Variants in GAS6 observed in about 807,000 individuals in gnomAD.
GAS6 encodes growth arrest-specific protein 6.
Under a neutral mutation model 75.8 loss-of-function variants are expected in GAS6, and 41 were observed. The observed-to-expected ratio is 0.54, with a 90% CI of 0.42 to 0.70. The LOEUF (loss-of-function observed/expected upper bound fraction) is 0.70. GAS6 is among the 30% of genes least tolerant of loss of function. GAS6 has a pLI of 0.00. For missense variants in GAS6, 854 were observed against 940.2 expected (o/e 0.91, Z 1.20); for synonymous variants, 432 against 412.6 (o/e 1.05, Z -0.57).
intron 10 of GAS6, among the ~76,000 whole-genome samples, chr13:113,828,992 G>A (rs71437243): frequency 2.0e-5 from 2 of 101,358 alleles, no homozygotes; most frequent in African/African-American, 7.1e-5. Context: ...TGAGCCAAGA[G>A]GGTCCCGATC....
intron 4 of GAS6, chr13:113,842,763 G>A (rs930512017): frequency 1.5e-5 from 6 of 396,862 alleles, no homozygotes; most frequent in African/African-American, 4.2e-5. Flanking sequence ...GTGCGCTGCC[G>A]CTACGATGTT....
chr13:113,851,513 GTGGGTGGGTGAATGGATGAGTGAA>G (rs1397308873), intron 2 of GAS6, among the ~76,000 whole-genome samples: 2 of 151,762 alleles, frequency 1.3e-5, no homozygotes, highest in East Asian at 1.9e-4. Flanking sequence ...GGGTGGGTGA[GTGGGTGGGTGAATGGATGAGTGAA>G]TGGGTGGGTG....
In GAS6 at chr13:113,837,064, G is replaced by A. The variant is rs1036194345; in HGVS notation, c.589+1005C>T. Among the ~76,000 whole-genome samples the A allele has an allele frequency of 1.3e-5, 2 of 151,826 alleles. No individual in the cohort carries two copies. The highest frequency in any genetic ancestry group is 6.6e-5 in the Admixed American group (1 of 15,250). On this transcript the variant is annotated intron_variant, in intron 6 of 14. Coordinates refer to ENST00000327773, the MANE Select transcript of GAS6 (RefSeq NM_000820.4). This position sits in a 1 kb window ranked among gnomAD's most constrained non-coding sequence, Gnocchi z 5.1. ...CTTTAGACGTCATCTCTCAGGATCGGCCTAGTCTTCACCTCTCTTTAAACC... is the reference window on the plus strand; with the variant it reads ...CTTTAGACGTCATCTCTCAGGATCGACCTAGTCTTCACCTCTCTTTAAACC...
intron 3 of GAS6, among the ~76,000 whole-genome samples, chr13:113,847,323 G>A (rs2051842247): frequency 6.6e-6 from 1 of 152,216 alleles, no homozygotes; most frequent in Non-Finnish European, 1.5e-5. Context: ...ATGGACCCAG[G>A]GAAGGACCCT....
intron 11 of GAS6, among the ~76,000 whole-genome samples, chr13:113,827,850 G>A (rs568570291): frequency 6.6e-6 from 1 of 152,202 alleles, no homozygotes; most frequent in Non-Finnish European, 1.5e-5. Context: ...GAAGGGGAGA[G>A]AAGGCGGGAC....
chr13:113,862,148 G>A (rs1394375335), intron 2 of GAS6, among the ~76,000 whole-genome samples: 1 of 152,226 alleles, frequency 6.6e-6, no homozygotes, highest in Non-Finnish European at 1.5e-5. Context: ...GGGAAGAACA[G>A]CACAGTACAT....
intron 2 of GAS6, among the ~76,000 whole-genome samples, chr13:113,853,993 C>G (rs529179832): frequency 6.6e-6 from 1 of 152,344 alleles, no homozygotes; most frequent in African/African-American, 2.4e-5. Flanking sequence ...CAGTGCATGG[C>G]CCCCAGCCCA....
Position 113,821,943 on chromosome 13 carries a change from G to A in GAS6, c.1882+15C>T, listed in dbSNP as rs747132469. On this transcript the variant is annotated intron_variant, in intron 14 of 14. Coordinates refer to ENST00000327773, the MANE Select transcript of GAS6 (RefSeq NM_000820.4). ...GAGCTCTTCACCCGGGTTGAGCGGA[G>A]CAGGGAGCACCTACCTGGCAGGCCG... 42 of 1,515,766 alleles carry A rather than the reference G, an allele frequency of 2.8e-5. 3 individuals are homozygous for A. In the South Asian group the frequency reaches 4.3e-4, roughly 16 times the overall value. The allele number at this position is 1,515,766 out of a possible 1,614,324, so 93.9% of individuals were successfully genotyped here. A position where few individuals can be genotyped will look rare whatever the true frequency, so the allele number is the denominator to read the frequency against.
At chr13:113,832,248 G>T in intron 10 of GAS6, 51 bp downstream of exon 10, 1 of 1,560,574 alleles carries the variant, frequency 6.4e-7, no homozygotes, top group Admixed American at 1.8e-5. Flanking sequence ...GCTGAGTCTG[G>T]CTCAGGGAGA....
intron 4 of GAS6, chr13:113,842,121 G>A (rs1205210204): frequency 2.3e-5 from 3 of 132,346 alleles, no homozygotes; most frequent in African/African-American, 6.9e-5. Context: ...TCCTCCATAC[G>A]CCTCAATTTC....
At chr13:113,859,439 AGT>A (rs1348371358) in intron 2 of GAS6, among the ~76,000 whole-genome samples, 4 of 129,280 alleles carry the variant, frequency 3.1e-5, no homozygotes, top group Admixed American at 7.7e-5. Context: ...ATGTCTGGAC[AGT>A]GTGTGACTGT....
intron 6 of GAS6, among the ~76,000 whole-genome samples, chr13:113,836,911 TGGTGG>T (rs2051723019): frequency 7.6e-5 from 1 of 13,204 alleles, no homozygotes. Flanking sequence ...GGAGGGGGAA[TGGTGG>T]GGAGGAAGAG....
rs2051729611 is a variant in GAS6, at chr13:113,837,486, G to T, written c.589+583C>A. Among the ~76,000 whole-genome samples the T allele has an allele frequency of 6.6e-6, 1 of 152,158 alleles. No homozygotes were observed. Among genetic ancestry groups the T allele is most frequent in the Non-Finnish European group, 1.5e-5 (1 of 68,012 alleles). The stretch of plus-strand genomic sequence containing the variant: ...AGGAGGAAGGTGCTCCCCCTGCAAA[G>T]TGGCAAAGGGCCAGTGGCAGCAGCA... On this transcript the variant is annotated intron_variant, in intron 6 of 14. Coordinates refer to ENST00000327773, the MANE Select transcript of GAS6 (RefSeq NM_000820.4). This position sits in a 1 kb window ranked among gnomAD's most constrained non-coding sequence, Gnocchi z 5.1.
rs1200846619 is a variant in GAS6, at chr13:113,834,584, G to A, written c.801C>T (p.Gly267=). 1.9e-6 allele frequency: 3 copies of A among 1,604,556 alleles called. No homozygotes were observed. Among genetic ancestry groups the A allele is most frequent in the East Asian group, 2.3e-5 (1 of 44,352 alleles). Residue 267 remains glycine, a synonymous_variant, in exon 8 of 15, where the codon GGC becomes GGT. Coordinates refer to ENST00000327773, the MANE Select transcript of GAS6 (RefSeq NM_000820.4). ...SYTCHCDGRG[G]LKLSQDMDTC... Reference sequence around the variant, plus strand: ...TGTCCATGTCCTGGGACAGCTTGAGGCCCCCACGCCCGTCACAGTGGCAGG... The same window carrying A: ...TGTCCATGTCCTGGGACAGCTTGAGACCCCCACGCCCGTCACAGTGGCAGG...
chr13:113,852,983 G>C (rs1435711133), intron 2 of GAS6, among the ~76,000 whole-genome samples: 1 of 152,176 alleles, frequency 6.6e-6, no homozygotes, highest in Non-Finnish European at 1.5e-5. Context: ...ACCCTCCAAG[G>C]GGCCGGGGGG....
chr13:113,824,885 C>T (rs1421872120), intron 12 of GAS6, among the ~76,000 whole-genome samples: 2 of 152,318 alleles, frequency 1.3e-5, no homozygotes, highest in South Asian at 2.1e-4. Flanking sequence ...TGCCGGTCTT[C>T]CCATAACCTG....
intron 14 of GAS6, 104 bp from the exon 15 acceptor site, chr13:113,821,122 C>T (rs554634713): frequency 2.1e-4 from 268 of 1,251,198 alleles, no homozygotes; most frequent in Non-Finnish European, 2.8e-4. Context: ...GGGTTCCCTC[C>T]GAAAGGGCAG....
At chr13:113,841,284 C>T (rs74118427) in intron 4 of GAS6, 18,903 of 152,564 alleles carry the variant, frequency 0.12, 1,861 homozygotes, top group African/African-American at 0.28. Flanking sequence ...CAGACACAGC[C>T]CCTGTCCTCC....
chr13:113,846,627 C>G (rs754801645), intron 3 of GAS6, 38 bp from the exon 4 acceptor site: 3 of 1,567,470 alleles, frequency 1.9e-6, no homozygotes, highest in South Asian at 2.2e-5. Flanking sequence ...GTCATCCTTA[C>G]AAGACCGGAT....
Sources: allele counts gnomAD v4.1 joint callset (sites outside exome capture counted in the v4.1 genomes callset), GRCh38; gene constraint gnomAD v4.1.1; non-coding constraint Gnocchi (gnomAD v3.1); transcripts MANE v1.5; gene names NCBI Gene and HGNC (gene_info 2026-07-23, HGNC 2026-07-21).